PDE5A: variants seen among roughly 807,000 people sequenced by gnomAD.
The protein encoded by PDE5A is phosphodiesterase 5A.
PDE5A carries 67 observed loss-of-function variants against 110.2 expected under a neutral mutation model. The ratio of observed to expected loss-of-function variants is 0.61; its 90% CI spans 0.50 to 0.75. The LOEUF is 0.75. Among genes scored for constraint, PDE5A ranks in the 30% least tolerant of loss-of-function variants. PDE5A has a pLI of 0.00. For synonymous variants in PDE5A, 328 were observed against 351.2 expected, an observed-to-expected ratio of 0.93 and a Z score of 0.74; for missense variants, 862 against 1,045.1, an observed-to-expected ratio of 0.82 and a Z score of 2.42.
Position 119,497,511 on chromosome 4 carries a change from T to C in PDE5A, c.*1090A>G, listed in dbSNP as rs201907455. On this transcript the variant is annotated 3_prime_UTR_variant, in exon 21 of 21. Coordinates refer to ENST00000354960, the MANE Select transcript of PDE5A (RefSeq NM_001083.4). ...TTGACTTGTCCTATACATCAAAATA[T>C]GGCAATTTTTCAATCACAATACTGC... The C allele has an allele frequency of 6.6e-5, 10 of 152,154 alleles. No homozygotes were observed. Among genetic ancestry groups the C allele is most frequent in the Non-Finnish European group, 1.2e-4 (8 of 68,006 alleles). The allele number at this position is 152,154 out of a possible 1,614,324, so 9.4% of individuals were successfully genotyped here. A position where few individuals can be genotyped will look rare whatever the true frequency, so the allele number is the denominator to read the frequency against.
Position 119,606,949 on chromosome 4 carries a change from G to C in PDE5A, c.501C>G (p.Ala167=), listed in dbSNP as rs1196539145. The C allele has an allele frequency of 1.2e-6, 2 of 1,614,158 alleles. No individual in the cohort carries two copies. Among genetic ancestry groups the C allele is most frequent in the South Asian group, 2.2e-5 (2 of 91,080 alleles). The part of the protein sequence containing the change: ...KDISSHLDVT[A]LCHKIFLHIH... ...TATGCAAGAAAATTTTGTGACATAAGGCTGTGACATCCAAATGACTAGAAA... is the reference window on the plus strand; with the variant it reads ...TATGCAAGAAAATTTTGTGACATAACGCTGTGACATCCAAATGACTAGAAA... Residue 167 remains alanine, a synonymous_variant, in exon 2 of 21, where the codon GCC becomes GCG. Transcript: ENST00000354960.
intron 18 of PDE5A, among the ~76,000 whole-genome samples, chr4:119,503,941 AC>A (rs1456392665): frequency 7.4e-6 from 1 of 134,992 alleles, no homozygotes; most frequent in Non-Finnish European, 1.7e-5. Flanking sequence ...GTAAAAACTT[AC>A]TTAAAAAAAT....
chr4:119,595,569 A>G (rs1338322895), intron 3 of PDE5A, among the ~76,000 whole-genome samples: 1 of 152,174 alleles, frequency 6.6e-6, no homozygotes, highest in African/African-American at 2.4e-5. Flanking sequence ...AAGAGCATAT[A>G]TTGCTCTCTC....
At chr4:119,572,224 T>C (rs1728164923) in intron 3 of PDE5A, among the ~76,000 whole-genome samples, 1 of 152,208 alleles carries the variant, frequency 6.6e-6, no homozygotes, top group Non-Finnish European at 1.5e-5. Flanking sequence ...TGCAATTAGA[T>C]TGCTTTCTAA....
At chr4:119,623,413 G>C (rs945551795) in intron 1 of PDE5A, among the ~76,000 whole-genome samples, 7 of 152,090 alleles carry the variant, frequency 4.6e-5, no homozygotes, top group Admixed American at 1.3e-4. Context: ...CCTAGGAAGA[G>C]GTTTTTATCC....
At chr4:119,532,319 T>G (rs1196553795) in intron 11 of PDE5A, among the ~76,000 whole-genome samples, 1 of 152,158 alleles carries the variant, frequency 6.6e-6, no homozygotes, top group African/African-American at 2.4e-5. Context: ...ATGAAATACA[T>G]ATTTTTTAAG....
intron 1 of PDE5A, among the ~76,000 whole-genome samples, chr4:119,617,424 TAAC>T (rs1560644859): frequency 1.3e-5 from 2 of 152,142 alleles, no homozygotes; most frequent in African/African-American, 4.8e-5. Flanking sequence ...CCTGTGGCAA[TAAC>T]TTTACTTTCT....
At chr4:119,559,731 G>A (rs1727679534) in intron 7 of PDE5A, among the ~76,000 whole-genome samples, 1 of 152,156 alleles carries the variant, frequency 6.6e-6, no homozygotes, top group Non-Finnish European at 1.5e-5. Flanking sequence ...AGGAGCTTAG[G>A]ACAGAATAGG....
intron 7 of PDE5A, among the ~76,000 whole-genome samples, chr4:119,554,623 A>G (rs1360404142): frequency 6.6e-6 from 1 of 152,216 alleles, no homozygotes; most frequent in East Asian, 1.9e-4. Context: ...TCACTAAAGA[A>G]GTAGGAAAAC....
chr4:119,524,910 A>G (rs768946859), intron 12 of PDE5A, among the ~76,000 whole-genome samples: 3 of 152,144 alleles, frequency 2.0e-5, no homozygotes, highest in South Asian at 2.1e-4. Context: ...AAGTTTTTCT[A>G]TTTTCTGAGA....
At chr4:119,577,923 T>C (rs546043314) in intron 3 of PDE5A, among the ~76,000 whole-genome samples, 13 of 152,338 alleles carry the variant, frequency 8.5e-5, no homozygotes, top group African/African-American at 2.2e-4. Context: ...GGCATGATTA[T>C]GTATCTAGAA....
chr4:119,588,284 C>A (rs1190666353), intron 3 of PDE5A, among the ~76,000 whole-genome samples: 3 of 150,842 alleles, frequency 2.0e-5, no homozygotes, highest in Non-Finnish European at 4.4e-5. Context: ...GTTCAAGCGA[C>A]TCTCCTGTGT....
intron 9 of PDE5A, chr4:119,548,850 T>C (rs10009626): frequency 0.26 from 39,878 of 151,952 alleles, 5,327 homozygotes; most frequent in East Asian, 0.38. Flanking sequence ...CTAAGCATAA[T>C]TTACAATTCT....
At chr4:119,548,711 G>A in intron 9 of PDE5A, 1 of 152,066 alleles carries the variant, frequency 6.6e-6, no homozygotes. Context: ...TCTTTACATT[G>A]TTTTTATTAT....
At chr4:119,499,116 T>C (rs1252681814) in intron 20 of PDE5A, among the ~76,000 whole-genome samples, 1 of 152,196 alleles carries the variant, frequency 6.6e-6, no homozygotes. Flanking sequence ...TAGGGAATGG[T>C]TTCATACAAT....
chr4:119,622,584 G>C (rs1034081982), intron 1 of PDE5A, among the ~76,000 whole-genome samples: 1 of 151,936 alleles, frequency 6.6e-6, no homozygotes, highest in Non-Finnish European at 1.5e-5. Context: ...ATCTTTAAAA[G>C]CTTTAAAGGC....
rs199625749 is a variant in PDE5A at position 119,495,029 on chromosome 4, C to G, written c.*3572G>C. 1 of 152,648 alleles carries G rather than the reference C, an allele frequency of 6.6e-6. No homozygotes were observed. The highest frequency in any genetic ancestry group is 2.1e-4 in the South Asian group (1 of 4,830). The allele number at this position is 152,648 out of a possible 1,614,324, so 9.5% of individuals were successfully genotyped here. A position where few individuals can be genotyped will look rare whatever the true frequency, so the allele number is the denominator to read the frequency against. On this transcript the variant is annotated 3_prime_UTR_variant, in exon 21 of 21. Coordinates refer to ENST00000354960, the MANE Select transcript of PDE5A (RefSeq NM_001083.4). ...AACTATATACAAGAATACAAAACTC[C>G]TAAAGTGTTCTTCAACTATCAGCAG...
Position 119,496,928 on chromosome 4 carries a change from ATG to A in PDE5A, c.*1671_*1672del. ...CCAAATACAAAATAATGGCAATACA[ATG>A]TGTTTTGCTTCTATTTTTTGTTTTT... On this transcript the variant is annotated 3_prime_UTR_variant, in exon 21 of 21. Transcript: ENST00000354960. 6.6e-6 allele frequency: 1 copy of A among 152,548 alleles called. No homozygotes were observed. Among genetic ancestry groups the A allele is most frequent in the South Asian group, 2.1e-4 (1 of 4,832 alleles). 9.4% of individuals were successfully genotyped at this position (152,548 alleles called of 1,614,324 possible).
intron 11 of PDE5A, among the ~76,000 whole-genome samples, chr4:119,531,569 G>A (rs1049721332): frequency 1.3e-5 from 2 of 151,916 alleles, no homozygotes; most frequent in South Asian, 4.2e-4. Context: ...GAGCCACCAC[G>A]CCTGGCCAAA....
Sources: allele counts gnomAD v4.1 joint callset (sites outside exome capture counted in the v4.1 genomes callset), GRCh38; gene constraint gnomAD v4.1.1; transcripts MANE v1.5; gene names NCBI Gene and HGNC (gene_info 2026-07-23, HGNC 2026-07-21).